The following ERBB4 variants were observed in gnomAD, a reference collection of about 807,000 sequenced individuals.
ERBB4 encodes the protein receptor tyrosine-protein kinase erbB-4.
A neutral mutation model predicts 158.0 loss-of-function variants in ERBB4; 42 were observed. The observed-to-expected ratio is 0.27, with a 90% CI of 0.21 to 0.34. The LOEUF (loss-of-function observed/expected upper bound fraction) is 0.34. Among genes scored for constraint, ERBB4 ranks in the 10% least tolerant of loss-of-function variants. The pLI is 1.00. For missense variants in ERBB4, 1,333 were observed against 1,624.1 expected, an observed-to-expected ratio of 0.82 and a Z score of 3.08; for synonymous variants, 583 against 558.7, an observed-to-expected ratio of 1.04 and a Z score of -0.61.
chr2:211,540,098 C>A (rs2125680877), intron 20 of ERBB4, among the ~76,000 whole-genome samples: 1 of 151,618 alleles, frequency 6.6e-6, no homozygotes. Context: ...CCTGTGTAAA[C>A]AATGAAAGGC....
At chr2:212,151,334 T>G (rs1195946742) in intron 1 of ERBB4, among the ~76,000 whole-genome samples, 1 of 151,094 alleles carries the variant, frequency 6.6e-6, no homozygotes, top group Admixed American at 6.6e-5. Flanking sequence ...TGCTTTGTGT[T>G]CTGCTTTCAC....
At chr2:212,371,416 G>C (rs952824590) in intron 1 of ERBB4, among the ~76,000 whole-genome samples, 5 of 152,318 alleles carry the variant, frequency 3.3e-5, no homozygotes, top group African/African-American at 1.2e-4. Context: ...GCTCAAAAGA[G>C]AGGTTTTTAA....
intron 2 of ERBB4, among the ~76,000 whole-genome samples, chr2:211,994,911 T>C (rs183096570): frequency 1.3e-5 from 2 of 152,312 alleles, no homozygotes; most frequent in African/African-American, 4.8e-5. Flanking sequence ...AACCTGAACA[T>C]CTAAAATTAT....
chr2:211,699,261 G>T (rs2073141016), intron 12 of ERBB4, among the ~76,000 whole-genome samples: 1 of 152,184 alleles, frequency 6.6e-6, no homozygotes, highest in Admixed American at 6.5e-5. Flanking sequence ...ATACAGACAT[G>T]CACGCTGATA....
At chr2:212,491,371 T>C (rs1286908296) in intron 1 of ERBB4, among the ~76,000 whole-genome samples, 1 of 151,646 alleles carries the variant, frequency 6.6e-6, no homozygotes, top group Non-Finnish European at 1.5e-5. Flanking sequence ...ACACGACCTT[T>C]ATAACTCAGG....
At chr2:211,744,613 A>C (rs901486636) in intron 5 of ERBB4, among the ~76,000 whole-genome samples, 15 of 151,968 alleles carry the variant, frequency 9.9e-5, no homozygotes, top group African/African-American at 3.1e-4. Flanking sequence ...CAAGTCATTC[A>C]TTTTCATGAA....
intron 20 of ERBB4, 88 bp from the exon 21 acceptor site, chr2:211,431,188 G>A: frequency 8.3e-7 from 1 of 1,208,998 alleles, no homozygotes. Context: ...CCTTCAGTTG[G>A]AAGTGCCTAA....
At chr2:211,505,641 A>C (rs1165572255) in intron 20 of ERBB4, among the ~76,000 whole-genome samples, 1 of 152,178 alleles carries the variant, frequency 6.6e-6, no homozygotes, top group Admixed American at 6.5e-5. Flanking sequence ...CAAAGAATGT[A>C]AACAGCCTAA....
chr2:212,523,525 T>C (rs977409524), intron 1 of ERBB4, among the ~76,000 whole-genome samples: 2 of 151,540 alleles, frequency 1.3e-5, no homozygotes, highest in African/African-American at 2.4e-5. Context: ...ATATCTAATA[T>C]GAAGACTGTT....
chr2:212,267,652 G>C (rs868634260), intron 1 of ERBB4, among the ~76,000 whole-genome samples: 21 of 144,190 alleles, frequency 1.5e-4, no homozygotes, highest in South Asian at 2.1e-4. Context: ...ACAATGTGCA[G>C]GTTTGTTACA....
At chr2:212,240,111 A>G (rs2084028284) in intron 1 of ERBB4, among the ~76,000 whole-genome samples, 1 of 152,156 alleles carries the variant, frequency 6.6e-6, no homozygotes, top group Admixed American at 6.5e-5. Context: ...AATGCGTCTT[A>G]TTTGATCTAT....
rs537824511 is a variant in ERBB4 at position 211,826,304 on chromosome 2, G to C, written c.422-38145C>G. 2.6e-5 allele frequency among the ~76,000 whole-genome samples: 4 copies of C among 151,572 alleles called. No homozygotes were observed. In the East Asian group the frequency reaches 7.8e-4, roughly 29 times the overall value. On this transcript the variant is annotated intron_variant, in intron 3 of 27. Coordinates refer to ENST00000342788, the MANE Select transcript of ERBB4 (RefSeq NM_005235.3). ...TGCTATATTTCAGGCACTGTGTTAT[G>C]GATTACGGATATAATCATAATCAAA...
At chr2:212,500,985 T>A (rs186013003) in intron 1 of ERBB4, among the ~76,000 whole-genome samples, 6 of 152,218 alleles carry the variant, frequency 3.9e-5, no homozygotes, top group Admixed American at 3.9e-4. Flanking sequence ...AGGGGGAAAT[T>A]CATAAATATC....
At chr2:211,578,688 C>G (rs2067966369) in intron 19 of ERBB4, among the ~76,000 whole-genome samples, 1 of 151,954 alleles carries the variant, frequency 6.6e-6, no homozygotes, top group Non-Finnish European at 1.5e-5. Flanking sequence ...CAGCTGACAA[C>G]AAGAAGCAAT....
At chr2:212,102,390 T>C (rs976776396) in intron 2 of ERBB4, among the ~76,000 whole-genome samples, 3 of 151,918 alleles carry the variant, frequency 2.0e-5, no homozygotes, top group African/African-American at 7.2e-5. Flanking sequence ...CGTGTTGATA[T>C]CTTGAAAATG....
chr2:212,124,729 GAGAA>G lies in ERBB4; in HGVS notation c.234+19_234+22del, dbSNP rs1559543777. 5 of 1,613,686 alleles carry G rather than the reference GAGAA, an allele frequency of 3.1e-6. No individual in the cohort carries two copies. The Admixed American group carries it at 6.7e-5, about 22-fold the overall frequency. The stretch of plus-strand genomic sequence containing the variant: ...GACGCCACTGTCCATTCACAAAGAA[GAGAA>G]AGAAAGCCACAGCTTTACCCGCAGG... On this transcript the variant is annotated intron_variant, in intron 2 of 27. Coordinates refer to ENST00000342788, the MANE Select transcript of ERBB4 (RefSeq NM_005235.3).
At chr2:212,167,895 C>T (rs529698305) in intron 1 of ERBB4, among the ~76,000 whole-genome samples, 18 of 152,080 alleles carry the variant, frequency 1.2e-4, no homozygotes, top group Admixed American at 4.6e-4. Context: ...AAAATGAAAA[C>T]ACACGGACAC....
intron 3 of ERBB4, among the ~76,000 whole-genome samples, chr2:211,802,025 C>T (rs13032191): frequency 0.11 from 16,759 of 152,050 alleles, 1,238 homozygotes; most frequent in Non-Finnish European, 0.15. Context: ...TTTGGGAGGC[C>T]GAGGCGGGCG....
intron 20 of ERBB4, among the ~76,000 whole-genome samples, chr2:211,516,777 G>A (rs758516123): frequency 1.3e-5 from 2 of 152,086 alleles, no homozygotes; most frequent in Non-Finnish European, 2.9e-5. Context: ...CAGATTTCAC[G>A]GTAGAAGCAA....
Sources: allele counts gnomAD v4.1 joint callset (sites outside exome capture counted in the v4.1 genomes callset), GRCh38; gene constraint gnomAD v4.1.1; transcripts MANE v1.5; gene names NCBI Gene and HGNC (gene_info 2026-07-23, HGNC 2026-07-21).